Variants in CTXND1 observed in about 807,000 individuals in gnomAD.
The protein encoded by CTXND1 is cortexin domain containing 1, also known as cortexin domain-containing 1 protein.
intron 1 of CTXND1, among the ~76,000 whole-genome samples, chr15:80,204,209 C>CATATAT (rs1567127671): frequency 1.7e-5 from 1 of 58,884 alleles, no homozygotes; most frequent in African/African-American, 7.3e-5. Context: ...TACACAAACA[C>CATATAT]ATACACACAT....
Position 80,200,401 on chromosome 15 carries a change from T to G in CTXND1, c.*1369A>C, listed in dbSNP as rs2041442791. 1 of 152,144 alleles carries G rather than the reference T, an allele frequency of 6.6e-6. No individual in the cohort carries two copies. The highest frequency in any genetic ancestry group is 1.5e-5 in the Non-Finnish European group (1 of 68,042). The allele number at this position is 152,144 out of a possible 1,614,324, so 9.4% of individuals were successfully genotyped here. ...GTCCTCTAACAAGGAAGTAGAGGAATTGGGACTTGGGGCCGGTTTTGTAGG... is the reference window on the plus strand; with the variant it reads ...GTCCTCTAACAAGGAAGTAGAGGAAGTGGGACTTGGGGCCGGTTTTGTAGG... On this transcript the variant is annotated 3_prime_UTR_variant, in exon 3 of 3. Coordinates refer to ENST00000560778, the MANE Select transcript of CTXND1 (RefSeq NM_001352888.2).
At chr15:80,239,458 G>T (rs554183259) in intron 1 of CTXND1, among the ~76,000 whole-genome samples, 1 of 152,340 alleles carries the variant, frequency 6.6e-6, no homozygotes, top group East Asian at 1.9e-4. Flanking sequence ...CTAATCAGCT[G>T]CCAGCGAATA....
intron 1 of CTXND1, among the ~76,000 whole-genome samples, chr15:80,245,432 G>A (rs896358933): frequency 2.6e-5 from 4 of 152,206 alleles, no homozygotes; most frequent in African/African-American, 9.6e-5. Context: ...GCTCTTGCAT[G>A]GAGCTCTATC....
chr15:80,248,333 C>A (rs1893657596), intron 1 of CTXND1, among the ~76,000 whole-genome samples: 1 of 152,170 alleles, frequency 6.6e-6, no homozygotes, highest in African/African-American at 2.4e-5. Flanking sequence ...GGCAGGTTTG[C>A]CTGCACAGGG....
chr15:80,244,036 C>T (rs1250241233), intron 1 of CTXND1, among the ~76,000 whole-genome samples: 3 of 152,212 alleles, frequency 2.0e-5, no homozygotes, highest in African/African-American at 7.2e-5. Context: ...CTGCCCATCT[C>T]CTCCATCTCC....
At chr15:80,234,709 C>T (rs1368878498) in intron 1 of CTXND1, among the ~76,000 whole-genome samples, 2 of 152,116 alleles carry the variant, frequency 1.3e-5, no homozygotes, top group African/African-American at 4.8e-5. Flanking sequence ...AACTCCTGAC[C>T]ACAGGTGATC....
chr15:80,236,378 C>T (rs1045615588), intron 1 of CTXND1, among the ~76,000 whole-genome samples: 2 of 152,138 alleles, frequency 1.3e-5, no homozygotes, highest in African/African-American at 2.4e-5. Flanking sequence ...TCTATGGCTG[C>T]CTTTGCACTA....
At chr15:80,248,017 C>T (rs575380835) in intron 1 of CTXND1, among the ~76,000 whole-genome samples, 191 of 152,364 alleles carry the variant, frequency 1.3e-3, no homozygotes, top group Admixed American at 2.2e-3. Context: ...CCAGACTTAT[C>T]TTCCAAGAGG....
chr15:80,231,996 G>A (rs1328511238), intron 1 of CTXND1, among the ~76,000 whole-genome samples: 4 of 152,164 alleles, frequency 2.6e-5, no homozygotes, highest in East Asian at 1.9e-4. Context: ...GTTGGATGGC[G>A]TGGAGCTTCT....
chr15:80,247,832 T>TG (rs35144791), intron 1 of CTXND1, among the ~76,000 whole-genome samples: 71,646 of 151,866 alleles, frequency 0.47, 17,310 homozygotes, highest in East Asian at 0.76. Flanking sequence ...ACATTTTAAC[T>TG]GGGCCCAGGG....
intron 1 of CTXND1, among the ~76,000 whole-genome samples, chr15:80,226,801 AC>A (rs1893377136): frequency 6.6e-6 from 1 of 152,074 alleles, no homozygotes; most frequent in Admixed American, 6.6e-5. Context: ...AAATTCCTAT[AC>A]CCGTCTGCTG....
At chr15:80,242,188 C>T (rs185901020) in intron 1 of CTXND1, among the ~76,000 whole-genome samples, 3 of 152,128 alleles carry the variant, frequency 2.0e-5, no homozygotes, top group Non-Finnish European at 4.4e-5. Flanking sequence ...TCTGAGTGAC[C>T]GTCCCCTATG....
chr15:80,211,043 G>A (rs1163162915), intron 1 of CTXND1, among the ~76,000 whole-genome samples: 1 of 152,232 alleles, frequency 6.6e-6, no homozygotes, highest in Admixed American at 6.5e-5. Flanking sequence ...TGAGTTTGGA[G>A]GAGGAGGGAA....
intron 1 of CTXND1, among the ~76,000 whole-genome samples, chr15:80,238,992 G>T (rs1057030071): frequency 2.0e-5 from 3 of 152,182 alleles, no homozygotes; most frequent in Non-Finnish European, 2.9e-5. Flanking sequence ...ATGGATCCCC[G>T]TTGTTAAGCA....
intron 1 of CTXND1, among the ~76,000 whole-genome samples, chr15:80,238,707 C>T (rs1226116992): frequency 2.0e-5 from 3 of 152,154 alleles, no homozygotes; most frequent in Non-Finnish European, 4.4e-5. Flanking sequence ...GATCTCCTGA[C>T]CTCGTGATCC....
Position 80,245,221 on chromosome 15 carries a change from C to T in CTXND1, c.-218+6786G>A, listed in dbSNP as rs1893615290. Among the ~76,000 whole-genome samples the T allele has an allele frequency of 4.6e-5, 7 of 152,306 alleles. No individual in the cohort carries two copies. The South Asian group carries it at 1.5e-3, about 32-fold the overall frequency. On this transcript the variant is annotated intron_variant, in intron 1 of 2. Transcript: ENST00000560778. ...GAACAGTTTGGGGCCTGTGATACCT[C>T]TCAGCGCTGCAGGCATCAAGACCTC...
intron 1 of CTXND1, among the ~76,000 whole-genome samples, chr15:80,204,749 G>A (rs1447243791): frequency 1.3e-5 from 2 of 150,994 alleles, no homozygotes; most frequent in Non-Finnish European, 2.9e-5. Flanking sequence ...AAATAGTGCT[G>A]CTATGAATGT....
At chr15:80,238,877 A>G (rs1341328183) in intron 1 of CTXND1, among the ~76,000 whole-genome samples, 4 of 152,226 alleles carry the variant, frequency 2.6e-5, no homozygotes, top group Non-Finnish European at 4.4e-5. Context: ...AATCAGCTAC[A>G]CTGTATAGCC....
At chr15:80,216,577 T>C (rs1173854533) in intron 1 of CTXND1, among the ~76,000 whole-genome samples, 2 of 151,976 alleles carry the variant, frequency 1.3e-5, no homozygotes, top group Non-Finnish European at 2.9e-5. Flanking sequence ...GTGATGACGC[T>C]GGAGATCATC....
Sources: allele counts gnomAD v4.1 joint callset (sites outside exome capture counted in the v4.1 genomes callset), GRCh38; gene constraint gnomAD v4.1.1; transcripts MANE v1.5; gene names NCBI Gene and HGNC (gene_info 2026-07-23, HGNC 2026-07-21).